The following RIMS2 variants were observed in gnomAD, a reference collection of about 807,000 sequenced individuals.
The protein encoded by RIMS2 is regulating synaptic membrane exocytosis 2, also known as regulating synaptic membrane exocytosis protein 2.
Under a neutral mutation model 174.4 loss-of-function variants are expected in RIMS2, and 59 were observed. The observed-to-expected ratio is 0.34, with a 90% CI of 0.27 to 0.42. The LOEUF (loss-of-function observed/expected upper bound fraction) is 0.42. Ranked by LOEUF, RIMS2 falls within the 10% of genes least tolerant of loss-of-function variation. RIMS2 has a pLI of 1.00. For missense variants in RIMS2, 1,620 were observed against 1,666.3 expected (o/e 0.97, Z 0.48); for synonymous variants, 606 against 572.5 (o/e 1.06, Z -0.84).
chr8:103,568,756 G>T (rs1443411242), intron 1 of RIMS2: 2 of 1,080,400 alleles, frequency 1.9e-6, no homozygotes, highest in Non-Finnish European at 2.8e-6. Context: ...TCTTCACTGG[G>T]TAAGGAATCT....
intron 3 of RIMS2, among the ~76,000 whole-genome samples, chr8:103,834,676 T>TTTTCTTTCTTTC (rs71297240): frequency 0.069 from 8,205 of 119,610 alleles, 516 homozygotes; most frequent in Non-Finnish European, 0.086. Flanking sequence ...TCTGAGGTCT[T>TTTTCTTTCTTTC]TTTCTTTCTT....
At position 103,907,947 on chromosome 8, in the gene RIMS2, ACCGTGTTAG is replaced by A. The variant is rs569018331; in HGVS notation, c.1625-2184_1625-2176del. On this transcript the variant is annotated intron_variant, in intron 4 of 23. Transcript: ENST00000504942. ...TTTTTTTTAGTAGAGACGGGGTTTC[ACCGTGTTAG>A]CCAGGATGGTCTCGATCTCCTGACC... Among the ~76,000 whole-genome samples the A allele has an allele frequency of 2.0e-4, 30 of 151,004 alleles. No homozygotes were observed. In the East Asian group the frequency reaches 4.6e-3, roughly 23 times the overall value.
At chr8:104,164,736 G>A (rs1163683868) in intron 19 of RIMS2, among the ~76,000 whole-genome samples, 1 of 152,144 alleles carries the variant, frequency 6.6e-6, no homozygotes, top group Admixed American at 6.5e-5. Context: ...TTACTTATAA[G>A]TGGAAGGTAA....
At chr8:103,751,190 T>TG (rs1212061815) in intron 2 of RIMS2, among the ~76,000 whole-genome samples, 1 of 152,134 alleles carries the variant, frequency 6.6e-6, no homozygotes, top group Non-Finnish European at 1.5e-5. Context: ...AGTGAGAACA[T>TG]GCGGTGTTTG....
chr8:103,922,022 CT>C (rs2077770469), intron 10 of RIMS2: 1 of 260,384 alleles, frequency 3.8e-6, no homozygotes, highest in Non-Finnish European at 7.3e-6. Flanking sequence ...GGTACCTAAA[CT>C]TTTTTATGTT....
chr8:104,074,872 CAT>C (rs1274071865), intron 19 of RIMS2, among the ~76,000 whole-genome samples: 1 of 151,830 alleles, frequency 6.6e-6, no homozygotes, highest in Non-Finnish European at 1.5e-5. Context: ...ATAGTGATGA[CAT>C]AAATGGACCT....
intron 2 of RIMS2, among the ~76,000 whole-genome samples, chr8:103,754,587 G>A (rs1323850066): frequency 6.6e-6 from 1 of 152,054 alleles, no homozygotes; most frequent in African/African-American, 2.4e-5. Flanking sequence ...GGTCTCTAAG[G>A]ACTTGCTTTA....
chr8:104,142,715 A>G (rs2098595795), intron 19 of RIMS2, among the ~76,000 whole-genome samples: 1 of 152,102 alleles, frequency 6.6e-6, no homozygotes, highest in Non-Finnish European at 1.5e-5. Context: ...TTAATTACTA[A>G]TGGCTATAAT....
intron 1 of RIMS2, among the ~76,000 whole-genome samples, chr8:103,640,939 T>C (rs1008346200): frequency 1.3e-5 from 2 of 152,136 alleles, no homozygotes; most frequent in Non-Finnish European, 2.9e-5. Flanking sequence ...CAATTATTGA[T>C]AGCTGTGTAA....
At chr8:103,623,259 T>C (rs1025032947) in intron 1 of RIMS2, among the ~76,000 whole-genome samples, 6 of 152,176 alleles carry the variant, frequency 3.9e-5, no homozygotes, top group Admixed American at 2.0e-4. Flanking sequence ...TTTGTAAAAA[T>C]GGGGAGTACA....
chr8:104,118,370 G>GT (rs113018786), intron 19 of RIMS2, among the ~76,000 whole-genome samples: 27,844 of 136,408 alleles, frequency 0.2, 3,455 homozygotes, highest in East Asian at 0.57. Context: ...TTGTTTTTTT[G>GT]TTTTTTTTTT....
chr8:103,727,025 C>T (rs1053934839), intron 2 of RIMS2, among the ~76,000 whole-genome samples: 4 of 151,498 alleles, frequency 2.6e-5, no homozygotes, highest in African/African-American at 4.8e-5. Context: ...GTGTGAGCCA[C>T]CGCACCCAGC....
intron 1 of RIMS2, chr8:103,568,761 G>C: frequency 9.1e-7 from 1 of 1,093,076 alleles, no homozygotes; most frequent in Non-Finnish European, 1.4e-6. Context: ...ACTGGGTAAG[G>C]AATCTATCAA....
chr8:103,748,031 C>G (rs983673898), intron 2 of RIMS2, among the ~76,000 whole-genome samples: 2 of 152,084 alleles, frequency 1.3e-5, no homozygotes, highest in African/African-American at 2.4e-5. Context: ...TTTAGCAGTA[C>G]AGGAGAAAGA....
chr8:104,125,916 T>C (rs1179442128), intron 19 of RIMS2, among the ~76,000 whole-genome samples: 14 of 152,212 alleles, frequency 9.2e-5, no homozygotes, highest in Admixed American at 7.9e-4. Flanking sequence ...TGTTGATTCC[T>C]GAAGGTCTCT....
chr8:103,537,182 A>G (rs1840220432), intron 1 of RIMS2, among the ~76,000 whole-genome samples: 1 of 152,216 alleles, frequency 6.6e-6, no homozygotes, highest in African/African-American at 2.4e-5. Flanking sequence ...CATTAAATTC[A>G]TATAAAGCAC....
At chr8:103,654,386 G>C (rs1472945068) in intron 1 of RIMS2, among the ~76,000 whole-genome samples, 1 of 151,960 alleles carries the variant, frequency 6.6e-6, no homozygotes, top group Non-Finnish European at 1.5e-5. Flanking sequence ...TGTATAGGAA[G>C]ATGGTAGAAA....
intron 1 of RIMS2, among the ~76,000 whole-genome samples, chr8:103,643,065 C>T (rs926222368): frequency 6.6e-6 from 1 of 151,788 alleles, no homozygotes; most frequent in Non-Finnish European, 1.5e-5. Context: ...ATAATTGTCC[C>T]TCAGTTTTTG....
intron 2 of RIMS2, among the ~76,000 whole-genome samples, chr8:103,754,295 A>C (rs192375026): frequency 6.4e-4 from 98 of 152,258 alleles, no homozygotes; most frequent in Non-Finnish European, 1.2e-3. Flanking sequence ...TCTGAGCGAC[A>C]GTTTGTTATA....
Sources: allele counts gnomAD v4.1 joint callset (sites outside exome capture counted in the v4.1 genomes callset), GRCh38; gene constraint gnomAD v4.1.1; transcripts MANE v1.5; gene names NCBI Gene and HGNC (gene_info 2026-07-23, HGNC 2026-07-21).